UBE2E2: variants seen among roughly 807,000 people sequenced by gnomAD.
UBE2E2 encodes ubiquitin conjugating enzyme E2 E2.
A neutral mutation model predicts 24.7 loss-of-function variants in UBE2E2; 6 were observed. The ratio of observed to expected loss-of-function variants is 0.24; its 90% CI spans 0.13 to 0.48. The LOEUF (loss-of-function observed/expected upper bound fraction) is 0.48, where lower values mean the gene tolerates loss of function less well. Ranked by LOEUF, UBE2E2 falls within the 20% of genes least tolerant of loss-of-function variation. The pLI is 0.99. For synonymous variants in UBE2E2, 104 were observed against 83.6 expected (o/e 1.24, Z -1.33); for missense variants, 169 against 245.0 (o/e 0.69, Z 2.07).
At chr3:23,571,276 C>CTTTTTTTTTTTTTTTTTTTTT (rs1559425735) in intron 5 of UBE2E2, among the ~76,000 whole-genome samples, 1 of 24,690 alleles carries the variant, frequency 4.1e-5, no homozygotes, top group Admixed American at 4.7e-4. Flanking sequence ...CTGTGTGCTC[C>CTTTTTTTTTTTTTTTTTTTTT]TTTCTTTTTT....
rs533649031 is a variant in UBE2E2 at position 23,412,215 on chromosome 3, T to C, written c.228-87393T>C. Among the ~76,000 whole-genome samples, 97 of 152,284 alleles carry C rather than the reference T, an allele frequency of 6.4e-4. 1 individual carries two copies. The highest frequency in any genetic ancestry group is 2.3e-3 in the African/African-American group (96 of 41,562). Reference sequence around the variant, plus strand: ...TAAATGTAGACCATAGTCGATGAAATGCATTGTAATTATTTGTAATTTTCA... The same window carrying C: ...TAAATGTAGACCATAGTCGATGAAACGCATTGTAATTATTTGTAATTTTCA... On this transcript the variant is annotated intron_variant, in intron 3 of 5. Transcript: ENST00000396703.
At chr3:23,274,974 A>G (rs1698345414) in intron 3 of UBE2E2, among the ~76,000 whole-genome samples, 1 of 152,110 alleles carries the variant, frequency 6.6e-6, no homozygotes, top group Admixed American at 6.5e-5. Flanking sequence ...CTGTATGTGG[A>G]CTGTTCAATG....
At chr3:23,301,031 G>A (rs1184306383) in intron 3 of UBE2E2, among the ~76,000 whole-genome samples, 2 of 151,804 alleles carry the variant, frequency 1.3e-5, no homozygotes, top group African/African-American at 2.4e-5. Flanking sequence ...CATTTCATTC[G>A]TTTAGTCTTC....
chr3:23,381,435 A>G (rs1388246422), intron 3 of UBE2E2, among the ~76,000 whole-genome samples: 1 of 152,162 alleles, frequency 6.6e-6, no homozygotes, highest in Non-Finnish European at 1.5e-5. Flanking sequence ...AGTGTCTCAG[A>G]AGAAGGTAAG....
rs1332706748 is a variant in UBE2E2 at position 23,280,545 on chromosome 3, T to C, written c.227+63233T>C. Among the ~76,000 whole-genome samples the C allele has an allele frequency of 1.3e-5, 2 of 152,200 alleles. No homozygotes were observed. Among genetic ancestry groups the C allele is most frequent in the Non-Finnish European group, 2.9e-5 (2 of 68,028 alleles). ...CATCCGTGGCTGGCAGTTGACAGTG[T>C]TGAGGTTGTCCTTTACTTGGGAAGC... On this transcript the variant is annotated intron_variant, in intron 3 of 5. Coordinates refer to ENST00000396703, the MANE Select transcript of UBE2E2 (RefSeq NM_152653.4). This position sits in a 1 kb window ranked among gnomAD's most constrained non-coding sequence, Gnocchi z 4.3.
chr3:23,341,420 G>A (rs1695384785), intron 3 of UBE2E2, among the ~76,000 whole-genome samples: 2 of 152,100 alleles, frequency 1.3e-5, no homozygotes, highest in African/African-American at 4.8e-5. Flanking sequence ...CTACTTGAGG[G>A]CATTGTAGGT....
At chr3:23,510,997 T>C (rs1694582075) in intron 4 of UBE2E2, among the ~76,000 whole-genome samples, 1 of 152,174 alleles carries the variant, frequency 6.6e-6, no homozygotes, top group African/African-American at 2.4e-5. Flanking sequence ...TCTCATTCCA[T>C]TATTAAGTAA....
chr3:23,377,967 A>G (rs1696564327), intron 3 of UBE2E2, among the ~76,000 whole-genome samples: 1 of 152,126 alleles, frequency 6.6e-6, no homozygotes, highest in Non-Finnish European at 1.5e-5. Flanking sequence ...TCTATAGGTA[A>G]TGTTCTTATG....
chr3:23,416,378 G>A (rs747861603), intron 3 of UBE2E2, among the ~76,000 whole-genome samples: 4 of 152,156 alleles, frequency 2.6e-5, no homozygotes, highest in Non-Finnish European at 4.4e-5. Context: ...GGATACTGGC[G>A]CTCACGCTCC....
intron 3 of UBE2E2, among the ~76,000 whole-genome samples, chr3:23,395,754 G>T (rs1697058374): frequency 1.3e-5 from 2 of 152,186 alleles, no homozygotes; most frequent in African/African-American, 4.8e-5. Flanking sequence ...CTAGGAAGGA[G>T]AATCGGGGTA....
At chr3:23,420,039 G>A (rs1697756659) in intron 3 of UBE2E2, among the ~76,000 whole-genome samples, 3 of 152,158 alleles carry the variant, frequency 2.0e-5, no homozygotes. Context: ...ATATATTTAG[G>A]CGTTTGAATG....
rs566216988 is a variant in UBE2E2, at chr3:23,480,336, G to C, written c.228-19272G>C. Among the ~76,000 whole-genome samples the C allele has an allele frequency of 3.8e-3, 575 of 152,340 alleles. 11 individuals carry two copies. The highest frequency in any genetic ancestry group is 0.036 in the Admixed American group (555 of 15,312). On this transcript the variant is annotated intron_variant, in intron 3 of 5. Transcript: ENST00000396703. ...GATGCCCAGAGCTGGGAGAGGCCAG[G>C]GAGTGGGAACAGGTACTTTGAAGCC... is the stretch of plus-strand genomic sequence containing the variant.
intron 3 of UBE2E2, among the ~76,000 whole-genome samples, chr3:23,220,175 G>A (rs1247774180): frequency 2.0e-5 from 3 of 151,824 alleles, no homozygotes; most frequent in Non-Finnish European, 4.4e-5. Context: ...ATATAGTATT[G>A]GTTAATTTTT....
chr3:23,255,417 T>C (rs966041117), intron 3 of UBE2E2, among the ~76,000 whole-genome samples: 6 of 152,128 alleles, frequency 3.9e-5, no homozygotes, highest in Admixed American at 2.0e-4. Context: ...TATTTGACTG[T>C]TTTATTAACA....
intron 3 of UBE2E2, among the ~76,000 whole-genome samples, chr3:23,421,764 C>T (rs1382406284): frequency 6.6e-6 from 1 of 152,192 alleles, no homozygotes; most frequent in Non-Finnish European, 1.5e-5. Flanking sequence ...CACATGTTCT[C>T]AATTCTAAGT....
intron 3 of UBE2E2, among the ~76,000 whole-genome samples, chr3:23,483,041 A>G (rs1230878711): frequency 1.3e-5 from 2 of 152,186 alleles, no homozygotes; most frequent in African/African-American, 4.8e-5. Context: ...CTTGTTTGTA[A>G]TTCTAGTCAA....
At chr3:23,553,879 A>G (rs1303733951) in intron 5 of UBE2E2, among the ~76,000 whole-genome samples, 1 of 152,160 alleles carries the variant, frequency 6.6e-6, no homozygotes, top group African/African-American at 2.4e-5. Context: ...ATGATAAAAC[A>G]TTGATGAAAG....
chr3:23,320,705 G>A (rs1022515072), intron 3 of UBE2E2, among the ~76,000 whole-genome samples: 3 of 152,144 alleles, frequency 2.0e-5, no homozygotes, highest in Non-Finnish European at 2.9e-5. Flanking sequence ...CGGAAGCTGC[G>A]ACCTTGGATT....
At chr3:23,209,876 C>T (rs1696271098) in intron 2 of UBE2E2, among the ~76,000 whole-genome samples, 1 of 152,042 alleles carries the variant, frequency 6.6e-6, no homozygotes, top group African/African-American at 2.4e-5. Flanking sequence ...TTCAGTTTCC[C>T]TTTCGTGGGG....
Sources: gnomAD v4.1 joint callset for allele counts (sites outside exome capture counted in the v4.1 genomes callset) on GRCh38, gnomAD v4.1.1 for gene constraint, Gnocchi (gnomAD v3.1) non-coding constraint, MANE v1.5 for transcripts, NCBI Gene and HGNC (gene_info 2026-07-23, HGNC 2026-07-21) for gene names.